The following TMEM161B variants were observed in gnomAD, a reference collection of about 807,000 sequenced individuals.
TMEM161B encodes transmembrane protein 161B.
A neutral mutation model predicts 61.8 loss-of-function variants in TMEM161B; 34 were observed. The observed-to-expected ratio is 0.55, with a 90% CI of 0.42 to 0.73. The LOEUF is 0.73. Among genes scored for constraint, TMEM161B ranks in the 30% least tolerant of loss-of-function variants. The pLI is 0.00. For synonymous variants in TMEM161B, 167 were observed against 192.8 expected, an observed-to-expected ratio of 0.87 and a Z score of 1.11; for missense variants, 456 against 558.5, an observed-to-expected ratio of 0.82 and a Z score of 1.85.
Position 88,202,952 on chromosome 5 carries a change from C to T in TMEM161B, c.914+10G>A. On this transcript the variant is annotated intron_variant, in intron 9 of 11. Coordinates refer to ENST00000296595, the MANE Select transcript of TMEM161B (RefSeq NM_153354.5). ...GTGATAAAAATCAGCCCTCAAATGC[C>T]CATACTTACAAAGGGATACTTTCTT... 1 of 1,565,406 alleles carries T rather than the reference C, an allele frequency of 6.4e-7. No homozygotes were observed. The highest frequency in any genetic ancestry group is 1.1e-5 in the South Asian group (1 of 89,840).
At chr5:88,210,638 A>G (rs1214562483) in intron 5 of TMEM161B, among the ~76,000 whole-genome samples, 4 of 152,202 alleles carry the variant, frequency 2.6e-5, no homozygotes, top group Admixed American at 2.6e-4. Context: ...AGTCAAAGGT[A>G]GTACTCACCT....
chr5:88,220,676 T>G lies in TMEM161B; in HGVS notation c.333A>C (p.Thr111=), dbSNP rs1748747561. 6.4e-7 allele frequency: 1 copy of G among 1,572,818 alleles called. No individual in the cohort carries two copies. Among genetic ancestry groups the G allele is most frequent in the African/African-American group, 1.5e-5 (1 of 66,798 alleles). Residue 111 remains threonine, a synonymous_variant, in exon 5 of 12, where the codon ACA becomes ACC. Transcript: ENST00000296595. The part of the protein sequence containing the change: ...FPEYQWLVDF[T]VAATVVYLVT... ...CTAGATACACAACTGTAGCAGCCACTGTGAAATCCACCAGCCACTGGTATT... is the reference window on the plus strand; with the variant it reads ...CTAGATACACAACTGTAGCAGCCACGGTGAAATCCACCAGCCACTGGTATT...
At chr5:88,244,274 G>A (rs1417134621) in intron 1 of TMEM161B, among the ~76,000 whole-genome samples, 1 of 151,562 alleles carries the variant, frequency 6.6e-6, no homozygotes, top group African/African-American at 2.4e-5. Context: ...TTTGATTTTA[G>A]GTTTAAGTTT....
intron 5 of TMEM161B, among the ~76,000 whole-genome samples, chr5:88,217,780 T>G (rs1748165668): frequency 6.6e-6 from 1 of 152,096 alleles, no homozygotes; most frequent in Non-Finnish European, 1.5e-5. Flanking sequence ...TCCCTTCAGA[T>G]TTTTAATGTC....
At position 88,268,827 on chromosome 5, in the gene TMEM161B, G is replaced by T; in HGVS notation, c.-104C>A. The T allele has an allele frequency of 6.3e-7, 1 of 1,585,190 alleles. No homozygotes were observed. The highest frequency in any genetic ancestry group is 2.3e-5 in the East Asian group (1 of 44,378). On this transcript the variant is annotated 5_prime_UTR_variant, in exon 1 of 12. Coordinates refer to ENST00000296595, the MANE Select transcript of TMEM161B (RefSeq NM_153354.5). Reference sequence around the variant, plus strand: ...GCCGAGAGACTCTCAAACAGCGAAAGAGAGGGTCTTCCGGCTCTGCCGGAA... The same window carrying T: ...GCCGAGAGACTCTCAAACAGCGAAATAGAGGGTCTTCCGGCTCTGCCGGAA...
intron 2 of TMEM161B, among the ~76,000 whole-genome samples, chr5:88,229,599 A>G (rs982006708): frequency 6.6e-6 from 1 of 150,712 alleles, no homozygotes; most frequent in East Asian, 2.0e-4. Context: ...GGCTCCTCAC[A>G]GGGAAAAGCA....
intron 1 of TMEM161B, among the ~76,000 whole-genome samples, chr5:88,264,637 C>T (rs1057068695): frequency 1.1e-4 from 16 of 152,102 alleles, no homozygotes; most frequent in South Asian, 4.1e-4. Context: ...TGCACACACA[C>T]GTATGTTTAT....
intron 1 of TMEM161B, among the ~76,000 whole-genome samples, chr5:88,256,957 A>G (rs951474062): frequency 6.6e-6 from 1 of 152,252 alleles, no homozygotes; most frequent in East Asian, 1.9e-4. Context: ...CCTCATTTTA[A>G]TGAGATAGCT....
intron 3 of TMEM161B, among the ~76,000 whole-genome samples, chr5:88,226,356 T>C (rs2112566055): frequency 6.6e-6 from 1 of 152,338 alleles, no homozygotes. Context: ...TAGTTTTTAC[T>C]AAAAATCACA....
chr5:88,191,297 C>T (rs1362071009), downstream of TMEM161B, among the ~76,000 whole-genome samples: 1 of 152,180 alleles, frequency 6.6e-6, no homozygotes, highest in Non-Finnish European at 1.5e-5. Flanking sequence ...CTTCCCCCAA[C>T]AGGGACACCA....
At chr5:88,268,305 T>C (rs1756678477) in intron 1 of TMEM161B, among the ~76,000 whole-genome samples, 1 of 152,228 alleles carries the variant, frequency 6.6e-6, no homozygotes, top group Non-Finnish European at 1.5e-5. Context: ...GGAGACCCGT[T>C]GTGTCCACCT....
intron 4 of TMEM161B, among the ~76,000 whole-genome samples, chr5:88,225,350 A>C (rs1405200552): frequency 2.6e-5 from 4 of 152,168 alleles, no homozygotes; most frequent in Admixed American, 6.5e-5. Flanking sequence ...GGGGGTAAAA[A>C]GTCATACGTC....
intron 2 of TMEM161B, among the ~76,000 whole-genome samples, chr5:88,237,419 GGAA>G (rs1193015023): frequency 6.6e-6 from 1 of 152,056 alleles, no homozygotes; most frequent in Non-Finnish European, 1.5e-5. Flanking sequence ...GAGTCCTAAG[GGAA>G]GAAGGATAGC....
chr5:88,225,484 G>C (rs964438509), intron 4 of TMEM161B, among the ~76,000 whole-genome samples: 1 of 152,094 alleles, frequency 6.6e-6, no homozygotes, highest in African/African-American at 2.4e-5. Context: ...AACAGTAAAA[G>C]GAAGTCTAGA....
rs1308073183 is a variant in TMEM161B at position 88,228,447 on chromosome 5, A to G, written c.189T>C (p.Asp63=). 1.9e-6 allele frequency: 3 copies of G among 1,600,000 alleles called. No individual in the cohort carries two copies. Among genetic ancestry groups the G allele is most frequent in the African/African-American group, 1.3e-5 (1 of 74,596 alleles). The change falls in exon 3 of 12, where the codon GAT becomes GAC. Residue 63 remains aspartate (D), a splice_region_variant and synonymous_variant. Coordinates refer to ENST00000296595, the MANE Select transcript of TMEM161B (RefSeq NM_153354.5). ...TTTACAAGCTCAATAAAACTTACCTATCTTTTTTGGTTTTCCCTTTTTGTT... is the reference window on the plus strand; with the variant it reads ...TTTACAAGCTCAATAAAACTTACCTGTCTTTTTTGGTTTTCCCTTTTTGTT... ...GKQQKGKTKK[D]RKYNGHIESK...
At chr5:88,247,431 T>C (rs530528774) in intron 1 of TMEM161B, among the ~76,000 whole-genome samples, 5 of 152,200 alleles carry the variant, frequency 3.3e-5, no homozygotes, top group African/African-American at 1.2e-4. Context: ...CTGAAAGGCA[T>C]ATCTGCATAT....
chr5:88,192,854 T>C (rs1302043471), downstream of TMEM161B, among the ~76,000 whole-genome samples: 1 of 152,228 alleles, frequency 6.6e-6, no homozygotes, highest in African/African-American at 2.4e-5. Flanking sequence ...TACTGAGAAT[T>C]CAATCTTTCA....
intron 4 of TMEM161B, among the ~76,000 whole-genome samples, chr5:88,225,161 G>GT (rs1246322783): frequency 6.6e-6 from 1 of 151,748 alleles, no homozygotes; most frequent in Non-Finnish European, 1.5e-5. Context: ...TAGAGACGGG[G>GT]TTTCACCACA....
chr5:88,199,963 G>A (rs1744069738), intron 9 of TMEM161B: 1 of 151,824 alleles, frequency 6.6e-6, no homozygotes, highest in Non-Finnish European at 1.5e-5. Flanking sequence ...GTACCTATCA[G>A]GCACTTAAAA....
Sources: allele counts gnomAD v4.1 joint callset (sites outside exome capture counted in the v4.1 genomes callset), GRCh38; gene constraint gnomAD v4.1.1; transcripts MANE v1.5; gene names NCBI Gene and HGNC (gene_info 2026-07-23, HGNC 2026-07-21).